UGT1A8: variants seen among roughly 807,000 people sequenced by gnomAD.
UGT1A8 encodes UDP-glucuronosyltransferase 1A8.
Under a neutral mutation model 45.3 loss-of-function variants are expected in UGT1A8, and 39 were observed. The observed-to-expected ratio is 0.86, with a 90% CI of 0.67 to 1.12. UGT1A8 has a LOEUF of 1.12. UGT1A8 is among the 50% of genes most tolerant of loss of function. The pLI, the probability that UGT1A8 is intolerant of heterozygous loss-of-function variation, is 0.00. For missense variants in UGT1A8, 719 were observed against 664.9 expected, an observed-to-expected ratio of 1.08 and a Z score of -0.90; for synonymous variants, 275 against 249.2, an observed-to-expected ratio of 1.10 and a Z score of -0.97.
intron 1 of UGT1A8, among the ~76,000 whole-genome samples, chr2:233,736,928 C>T (rs1427688264): frequency 1.3e-5 from 2 of 152,158 alleles, no homozygotes; most frequent in African/African-American, 4.8e-5. Context: ...CAGAGGCGCA[C>T]CCACCTATAT....
chr2:233,706,605 TAAG>T (rs1165362415), intron 1 of UGT1A8, among the ~76,000 whole-genome samples: 1 of 152,152 alleles, frequency 6.6e-6, no homozygotes, highest in Non-Finnish European at 1.5e-5. Flanking sequence ...AAGTATGTGA[TAAG>T]AAGACTAGAG....
chr2:233,722,194 C>T (rs1259255886), intron 1 of UGT1A8: 3 of 157,146 alleles, frequency 1.9e-5, no homozygotes, highest in African/African-American at 4.8e-5. Flanking sequence ...TGCCAATTTA[C>T]TGAGTGCATG....
chr2:233,722,730 C>T (rs1168734354), intron 1 of UGT1A8, among the ~76,000 whole-genome samples: 1 of 151,932 alleles, frequency 6.6e-6, no homozygotes, highest in Non-Finnish European at 1.5e-5. Flanking sequence ...TTAAATTTCT[C>T]CTTTGATGCA....
At chr2:233,670,456 A>G (rs1370457022) in intron 1 of UGT1A8, among the ~76,000 whole-genome samples, 1 of 152,236 alleles carries the variant, frequency 6.6e-6, no homozygotes, top group African/African-American at 2.4e-5. Context: ...TTCAGTGCCC[A>G]TTCATGGAAG....
Position 233,618,201 on chromosome 2 carries a change from C to A in UGT1A8, c.494C>A (p.Ser165Tyr), listed in dbSNP as rs1210754618. The A allele has an allele frequency of 6.2e-7, 1 of 1,613,938 alleles. No homozygotes were observed. The highest frequency in any genetic ancestry group is 8.5e-7 in the Non-Finnish European group (1 of 1,179,974). Residue 165 changes from serine (S) to tyrosine (Y), a missense_variant, in exon 1 of 5, where the codon TCT (serine) becomes TAT (tyrosine). Transcript: ENST00000373450. ...LIVAKYFSLP[S>Y]VVFARGIACH... ...GTTGCCAAATATTTCTCCCTCCCCT[C>A]TGTGGTCTTCGCCAGGGGAATAGCT...
chr2:233,762,045 A>G (rs187851388), intron 1 of UGT1A8, among the ~76,000 whole-genome samples: 1 of 151,958 alleles, frequency 6.6e-6, no homozygotes, highest in African/African-American at 2.4e-5. Flanking sequence ...TTTTCTGTGC[A>G]TTTTCCTTCA....
chr2:233,674,402 A>T (rs2074283118), intron 1 of UGT1A8, among the ~76,000 whole-genome samples: 1 of 152,164 alleles, frequency 6.6e-6, no homozygotes, highest in African/African-American at 2.4e-5. Context: ...AAATTATAGT[A>T]TCCTCCATTA....
chr2:233,672,183 G>A (rs766146681), intron 1 of UGT1A8: 1 of 1,614,064 alleles, frequency 6.2e-7, no homozygotes, highest in Non-Finnish European at 8.5e-7. Flanking sequence ...CATATACCCT[G>A]GAGGATCTGG....
At chr2:233,628,263 A>T (rs2073127880) in intron 1 of UGT1A8, among the ~76,000 whole-genome samples, 1 of 152,098 alleles carries the variant, frequency 6.6e-6, no homozygotes, top group South Asian at 2.1e-4. Context: ...TGGTTTCTGC[A>T]GTCATGGCAT....
chr2:233,764,498 G>T (rs1372261378), intron 1 of UGT1A8, among the ~76,000 whole-genome samples: 1 of 152,176 alleles, frequency 6.6e-6, no homozygotes, highest in East Asian at 1.9e-4. Context: ...TGGACCTGTG[G>T]GTTCAATTTT....
At chr2:233,720,668 A>G (rs1008664012) in intron 1 of UGT1A8, among the ~76,000 whole-genome samples, 1 of 151,708 alleles carries the variant, frequency 6.6e-6, no homozygotes, top group East Asian at 1.9e-4. Context: ...TCACACACCA[A>G]TGAATTTGGT....
At chr2:233,739,958 T>A (rs1559383787) in intron 1 of UGT1A8, among the ~76,000 whole-genome samples, 1 of 151,938 alleles carries the variant, frequency 6.6e-6, no homozygotes, top group Non-Finnish European at 1.5e-5. Flanking sequence ...TGGGAGCTGA[T>A]TGAATCATAT....
chr2:233,753,155 C>T (rs1695142736), intron 1 of UGT1A8: 2 of 152,204 alleles, frequency 1.3e-5, no homozygotes, highest in Admixed American at 6.5e-5. Flanking sequence ...TGTAAGTTCC[C>T]TTATCCGGAT....
intron 1 of UGT1A8, among the ~76,000 whole-genome samples, chr2:233,710,740 G>T (rs1041817695): frequency 2.0e-5 from 3 of 152,172 alleles, no homozygotes; most frequent in African/African-American, 7.2e-5. Context: ...GTCTTTCAAG[G>T]AGCAAAAGTT....
intron 1 of UGT1A8, chr2:233,648,988 G>A: frequency 7.0e-7 from 1 of 1,423,478 alleles, no homozygotes; most frequent in Non-Finnish European, 9.7e-7. Flanking sequence ...GATCTTCATT[G>A]GTGGTATCAA....
At chr2:233,624,527 A>C (rs1267047994) in intron 1 of UGT1A8, among the ~76,000 whole-genome samples, 1 of 152,110 alleles carries the variant, frequency 6.6e-6, no homozygotes, top group Non-Finnish European at 1.5e-5. Context: ...TTGGCTGTTC[A>C]TACATCTGTG....
In UGT1A8 at chr2:233,768,019, T is replaced by C. The variant is rs1002687520; in HGVS notation, c.1075+83T>C. The C allele has an allele frequency of 6.2e-6, 10 of 1,613,626 alleles. No individual in the cohort carries two copies. In the African/African-American group the frequency reaches 1.2e-4, roughly 19 times the overall value. On this transcript the variant is annotated intron_variant, in intron 3 of 4. Coordinates refer to ENST00000373450, the MANE Select transcript of UGT1A8 (RefSeq NM_019076.5). ...TAAGCACAGCTATTCTAAAGGATTG[T>C]TGAGCTTGAAAATATTATGGCCAAC...
chr2:233,717,804 C>A (rs147106885), intron 1 of UGT1A8: 23 of 455,884 alleles, frequency 5.0e-5, no homozygotes, highest in African/African-American at 3.8e-4. Context: ...AGTGCCCCCA[C>A]AAATTATGCA....
In UGT1A8 at chr2:233,769,710, C is replaced by T. The variant is rs1472517831; in HGVS notation, c.1295+1271C>T. 9.9e-6 allele frequency: 15 copies of T among 1,507,706 alleles called. No homozygotes were observed. Among genetic ancestry groups the T allele is most frequent in the African/African-American group, 1.4e-5 (1 of 72,712 alleles). The allele number at this position is 1,507,706 out of a possible 1,614,324, so 93.4% of individuals were successfully genotyped here. A position where few individuals can be genotyped will look rare whatever the true frequency, so the allele number is the denominator to read the frequency against. On this transcript the variant is annotated intron_variant, in intron 4 of 4. Transcript: ENST00000373450. The surrounding 1 kb of genome is among the most constrained non-coding windows in gnomAD (Gnocchi z 4.4). ...GCACTGGATAAAAGATCAATGTTGG[C>T]TAGGCACCATGGCACACGCCTGTAG...
Sources: allele counts gnomAD v4.1 joint callset (sites outside exome capture counted in the v4.1 genomes callset), GRCh38; gene constraint gnomAD v4.1.1; non-coding constraint Gnocchi (gnomAD v3.1); transcripts MANE v1.5; gene names NCBI Gene and HGNC (gene_info 2026-07-23, HGNC 2026-07-21).